The following C2orf80 variants were observed in gnomAD, a reference collection of about 807,000 sequenced individuals.
C2orf80 encodes the protein uncharacterized protein C2orf80.
A neutral mutation model predicts 30.2 loss-of-function variants in C2orf80; 28 were observed. That is an observed-to-expected ratio of 0.93 (90% CI 0.69 to 1.27). The LOEUF is 1.27. Among genes scored for constraint, C2orf80 ranks in the 50% most tolerant of loss-of-function variants. C2orf80 has a pLI of 0.00. For missense variants in C2orf80, 220 were observed against 231.0 expected (o/e 0.95, Z 0.31); for synonymous variants, 80 against 76.4 (o/e 1.05, Z -0.24).
At chr2:208,177,489 C>G (rs183149530) in intron 6 of C2orf80, among the ~76,000 whole-genome samples, 1 of 151,804 alleles carries the variant, frequency 6.6e-6, no homozygotes, top group Non-Finnish European at 1.5e-5. Context: ...TGCAGTGAGC[C>G]GAGATTGCAC....
chr2:208,167,250 G>A (rs1007825127), intron 8 of C2orf80, among the ~76,000 whole-genome samples: 2 of 152,052 alleles, frequency 1.3e-5, no homozygotes, highest in Admixed American at 6.5e-5. Flanking sequence ...CTAGCCGGGC[G>A]CGGTGGCTCA....
intron 6 of C2orf80, among the ~76,000 whole-genome samples, chr2:208,176,003 T>C (rs574493339): frequency 6.4e-4 from 97 of 152,260 alleles, no homozygotes; most frequent in African/African-American, 2.2e-3. Flanking sequence ...GACTCTTGTA[T>C]TGGTAATTCA....
intron 6 of C2orf80, among the ~76,000 whole-genome samples, chr2:208,178,556 C>T (rs1696440693): frequency 6.6e-6 from 1 of 152,138 alleles, no homozygotes; most frequent in Non-Finnish European, 1.5e-5. Flanking sequence ...TGAGGAGCGT[C>T]AGGCCTGGGG....
chr2:208,176,894 T>C (rs1460476604), intron 6 of C2orf80, among the ~76,000 whole-genome samples: 2 of 85,548 alleles, frequency 2.3e-5, no homozygotes, highest in African/African-American at 1.3e-4. Context: ...TAGGTGTATA[T>C]ATATACATAT....
intron 6 of C2orf80, among the ~76,000 whole-genome samples, chr2:208,178,945 G>C (rs540652744): frequency 1.1e-4 from 17 of 152,122 alleles, no homozygotes; most frequent in Non-Finnish European, 1.3e-4. Flanking sequence ...TTTTAGTAGA[G>C]TTGGGGTTTC....
chr2:208,188,474 T>C (rs879415881), intron 1 of C2orf80, among the ~76,000 whole-genome samples: 3 of 148,218 alleles, frequency 2.0e-5, no homozygotes, highest in East Asian at 4.0e-4. Context: ...TGAGACGGAG[T>C]CTCGGTCTGT....
chr2:208,185,073 C>A lies in C2orf80; in HGVS notation c.42-41G>T, dbSNP rs11903894. The A allele has an allele frequency of 1.6e-3, 2,311 of 1,483,526 alleles. 30 individuals carry two copies. In the African/African-American group the frequency reaches 0.027, roughly 17 times the overall value. 91.9% of individuals were successfully genotyped at this position (1,483,526 alleles called of 1,614,324 possible). ...GCAGCATTGAACCATTGGAGTGACACGGGCTCAGTCTGCAGAAAAAGGCTT... is the reference window on the plus strand; with the variant it reads ...GCAGCATTGAACCATTGGAGTGACAAGGGCTCAGTCTGCAGAAAAAGGCTT... On this transcript the variant is annotated intron_variant, in intron 2 of 8. Coordinates refer to ENST00000341287, the MANE Select transcript of C2orf80 (RefSeq NM_001099334.3).
intron 2 of C2orf80, 117 bp downstream of exon 2, chr2:208,186,829 A>G: frequency 1.1e-6 from 1 of 917,690 alleles, no homozygotes. Context: ...GTTTTCTCCT[A>G]CCATGCAGAA....
chr2:208,177,859 T>C (rs1192425546), intron 6 of C2orf80, among the ~76,000 whole-genome samples: 1 of 151,914 alleles, frequency 6.6e-6, no homozygotes. Context: ...AGAGTTTTGC[T>C]CTGTTGCTCA....
chr2:208,188,211 G>C (rs1696775355), intron 1 of C2orf80, among the ~76,000 whole-genome samples: 1 of 151,144 alleles, frequency 6.6e-6, no homozygotes, highest in East Asian at 2.0e-4. Flanking sequence ...GTTGACTCTG[G>C]AATTCTAAGT....
intron 4 of C2orf80, among the ~76,000 whole-genome samples, chr2:208,181,945 C>A (rs779735659): frequency 6.6e-6 from 1 of 152,170 alleles, no homozygotes; most frequent in African/African-American, 2.4e-5. Flanking sequence ...TAACACAGTC[C>A]TACCCATGGA....
intron 8 of C2orf80, among the ~76,000 whole-genome samples, chr2:208,166,377 T>C (rs1432389027): frequency 6.6e-6 from 1 of 152,208 alleles, no homozygotes; most frequent in African/African-American, 2.4e-5. Flanking sequence ...GTGGGTTCTT[T>C]GTATATTATT....
intron 6 of C2orf80, among the ~76,000 whole-genome samples, chr2:208,178,197 A>C (rs1304508056): frequency 1.3e-5 from 2 of 152,126 alleles, no homozygotes; most frequent in Non-Finnish European, 2.9e-5. Flanking sequence ...CTGATAACCC[A>C]GCCAAACCTG....
chr2:208,171,893 T>A, intron 7 of C2orf80, 95 bp downstream of exon 7: 1 of 1,011,290 alleles, frequency 9.9e-7, no homozygotes. Context: ...GAAATCTAAT[T>A]CCCATTACAA....
intron 3 of C2orf80, among the ~76,000 whole-genome samples, chr2:208,184,690 G>A (rs373967294): frequency 4.5e-4 from 68 of 152,190 alleles, no homozygotes; most frequent in African/African-American, 1.5e-3. Flanking sequence ...CATTTTGCCT[G>A]GCATTAATTT....
intron 8 of C2orf80, among the ~76,000 whole-genome samples, chr2:208,169,117 A>G (rs942246720): frequency 6.6e-6 from 1 of 152,164 alleles, no homozygotes; most frequent in Non-Finnish European, 1.5e-5. Flanking sequence ...ATATGGAACA[A>G]AATTATATTT....
intron 6 of C2orf80, among the ~76,000 whole-genome samples, chr2:208,173,159 A>G (rs1696162474): frequency 6.8e-6 from 1 of 147,400 alleles, no homozygotes; most frequent in Non-Finnish European, 1.5e-5. Context: ...AGTGCCTGAA[A>G]TGGAAAAATA....
chr2:208,176,960 C>T (rs997691431), intron 6 of C2orf80, among the ~76,000 whole-genome samples: 361 of 18,908 alleles, frequency 0.019, no homozygotes, highest in African/African-American at 0.045. Flanking sequence ...TATCTGTATA[C>T]ATATGTATAC....
At chr2:208,177,275 C>T (rs931387016) in intron 6 of C2orf80, among the ~76,000 whole-genome samples, 1 of 151,414 alleles carries the variant, frequency 6.6e-6, no homozygotes, top group African/African-American at 2.4e-5. Context: ...GACGTGGTGG[C>T]TCACGCCTGT....
Sources: allele counts gnomAD v4.1 joint callset (sites outside exome capture counted in the v4.1 genomes callset), GRCh38; gene constraint gnomAD v4.1.1; transcripts MANE v1.5; gene names NCBI Gene and HGNC (gene_info 2026-07-23, HGNC 2026-07-21).